PRICKLE1: variants seen among roughly 807,000 people sequenced by gnomAD.
The protein encoded by PRICKLE1 is prickle-like protein 1.
PRICKLE1 carries 14 observed loss-of-function variants against 70.2 expected under a neutral mutation model. That is an observed-to-expected ratio of 0.20 (90% CI 0.13 to 0.31). PRICKLE1 has a LOEUF of 0.31. Ranked by LOEUF, PRICKLE1 falls within the 10% of genes least tolerant of loss-of-function variation. The pLI is 1.00. For synonymous variants in PRICKLE1, 357 were observed against 379.9 expected (o/e 0.94, Z 0.70); for missense variants, 821 against 1,026.2 (o/e 0.80, Z 2.73).
At chr12:42,563,597 G>A (rs1350516576) in intron 1 of PRICKLE1, among the ~76,000 whole-genome samples, 2 of 150,730 alleles carry the variant, frequency 1.3e-5, no homozygotes, top group African/African-American at 2.4e-5. Flanking sequence ...CAGCTACTCA[G>A]GAGGCTGAGG....
chr12:42,508,884 G>A (rs35657577), intron 1 of PRICKLE1, among the ~76,000 whole-genome samples: 6,270 of 152,178 alleles, frequency 0.041, 158 homozygotes, highest in South Asian at 0.084. Flanking sequence ...TCTACACAGC[G>A]GCAGATGATC....
At chr12:42,528,753 C>CAA (rs1939857620) in intron 1 of PRICKLE1, among the ~76,000 whole-genome samples, 1 of 152,116 alleles carries the variant, frequency 6.6e-6, no homozygotes, top group Non-Finnish European at 1.5e-5. Context: ...ACAGTCAATG[C>CAA]TCAAAAAATA....
intron 1 of PRICKLE1, among the ~76,000 whole-genome samples, chr12:42,482,623 C>T (rs576020724): frequency 1.3e-5 from 2 of 152,174 alleles, no homozygotes; most frequent in Non-Finnish European, 2.9e-5. Flanking sequence ...AAACAAGTTT[C>T]CAGAGAAAAC....
chr12:42,507,098 T>A (rs1436150807), intron 1 of PRICKLE1, among the ~76,000 whole-genome samples: 1 of 152,196 alleles, frequency 6.6e-6, no homozygotes, highest in Non-Finnish European at 1.5e-5. Context: ...ATGCAAAAGC[T>A]GTATGTTCAT....
intron 1 of PRICKLE1, among the ~76,000 whole-genome samples, chr12:42,544,401 A>C (rs1171408141): frequency 6.6e-6 from 1 of 152,154 alleles, no homozygotes; most frequent in East Asian, 1.9e-4. Context: ...TTTTTGTTGT[A>C]TTTGTCATCT....
intron 1 of PRICKLE1, among the ~76,000 whole-genome samples, chr12:42,578,583 T>C (rs920026403): frequency 6.6e-6 from 1 of 152,154 alleles, no homozygotes; most frequent in African/African-American, 2.4e-5. Context: ...CATGTTTCTC[T>C]GGCTTTATTT....
At chr12:42,528,695 A>G (rs900374993) in intron 1 of PRICKLE1, among the ~76,000 whole-genome samples, 1 of 152,258 alleles carries the variant, frequency 6.6e-6, no homozygotes, top group African/African-American at 2.4e-5. Context: ...TGATGTAATT[A>G]GAAATGTTCA....
At chr12:42,544,775 C>A (rs1032135390) in intron 1 of PRICKLE1, among the ~76,000 whole-genome samples, 22 of 152,232 alleles carry the variant, frequency 1.4e-4, no homozygotes, top group African/African-American at 5.3e-4. Context: ...ATGGTAGTTA[C>A]CTGGCTGCTG....
At chr12:42,488,183 C>T (rs1181871665) in intron 1 of PRICKLE1, among the ~76,000 whole-genome samples, 1 of 152,202 alleles carries the variant, frequency 6.6e-6, no homozygotes, top group Non-Finnish European at 1.5e-5. Flanking sequence ...AGCCCCCAGG[C>T]ACCTCCCTCT....
At chr12:42,560,144 T>TTAC (rs1940486267) in intron 1 of PRICKLE1, among the ~76,000 whole-genome samples, 1 of 124,546 alleles carries the variant, frequency 8.0e-6, no homozygotes, top group Non-Finnish European at 1.6e-5. Context: ...ATTATTATTA[T>TTAC]TATTATTTTT....
At chr12:42,509,622 C>CT (rs1380216625) in intron 1 of PRICKLE1, among the ~76,000 whole-genome samples, 2 of 152,088 alleles carry the variant, frequency 1.3e-5, no homozygotes, top group African/African-American at 4.8e-5. Flanking sequence ...TGTTGAGTAC[C>CT]TGAATGACTG....
At chr12:42,474,507 T>C (rs1008056489) in intron 1 of PRICKLE1, among the ~76,000 whole-genome samples, 5 of 152,220 alleles carry the variant, frequency 3.3e-5, no homozygotes, top group Non-Finnish European at 5.9e-5. Flanking sequence ...TACACTACCA[T>C]TGGGAGGTTA....
chr12:42,555,173 G>A (rs1331025767), intron 1 of PRICKLE1, among the ~76,000 whole-genome samples: 1 of 152,014 alleles, frequency 6.6e-6, no homozygotes, highest in African/African-American at 2.4e-5. Flanking sequence ...GTATGGTGGT[G>A]CACGCCTGTA....
chr12:42,574,239 G>A (rs1248988772), intron 1 of PRICKLE1, among the ~76,000 whole-genome samples: 1 of 152,176 alleles, frequency 6.6e-6, no homozygotes, highest in Non-Finnish European at 1.5e-5. Context: ...GGTATCTTGT[G>A]TGTGTTTATA....
Position 42,465,157 on chromosome 12 carries a change from A to G in PRICKLE1, c.877T>C (p.Phe293Leu). The G allele has an allele frequency of 2.5e-6, 4 of 1,592,626 alleles. No individual in the cohort carries two copies. The highest frequency in any genetic ancestry group is 3.4e-6 in the Non-Finnish European group (4 of 1,173,332). The change falls in exon 7 of 8, where the codon TTC becomes CTC. Residue 293 changes from phenylalanine (F) to leucine (L), a missense_variant. Phe to Leu is a conservative substitution (Grantham distance 22). Transcript: ENST00000345127. Reference sequence around the variant, plus strand: ...TAAATCTGACCCTGTTTGGGAAGGAAGGGACATCCCAACAAAGAGGCTTTA... The same window carrying G: ...TAAATCTGACCCTGTTTGGGAAGGAGGGGACATCCCAACAAAGAGGCTTTA... ...QCKASLLGCP[F>L]LPKQGQIYCS...
intron 1 of PRICKLE1, among the ~76,000 whole-genome samples, chr12:42,532,420 C>G (rs1467072340): frequency 2.0e-5 from 3 of 152,038 alleles, no homozygotes; most frequent in Non-Finnish European, 4.4e-5. Flanking sequence ...TGTTGTCTAA[C>G]AGAAATAGAA....
At chr12:42,524,505 C>T (rs1939767537) in intron 1 of PRICKLE1, among the ~76,000 whole-genome samples, 1 of 152,152 alleles carries the variant, frequency 6.6e-6, no homozygotes, top group Non-Finnish European at 1.5e-5. Context: ...CCACCACCCC[C>T]TGGGTTCAAG....
At chr12:42,469,772 A>G in intron 3 of PRICKLE1, 185 bp from the exon 4 acceptor site, 1 of 671,932 alleles carries the variant, frequency 1.5e-6, no homozygotes, top group South Asian at 1.9e-5. Context: ...GGGAAATGCA[A>G]TGTGAAGGAA....
chr12:42,561,298 A>AC (rs1213743219), intron 1 of PRICKLE1, among the ~76,000 whole-genome samples: 1 of 152,224 alleles, frequency 6.6e-6, no homozygotes, highest in East Asian at 1.9e-4. Flanking sequence ...TAGCAAGTAG[A>AC]CAATGGCATT....
Sources: gnomAD v4.1 joint callset for allele counts (sites outside exome capture counted in the v4.1 genomes callset) on GRCh38, gnomAD v4.1.1 for gene constraint, MANE v1.5 for transcripts, NCBI Gene and HGNC (gene_info 2026-07-23, HGNC 2026-07-21) for gene names.